DSCAM: variants seen among roughly 807,000 people sequenced by gnomAD.
DSCAM encodes the protein DS cell adhesion molecule, also known as cell adhesion molecule DSCAM.
In DSCAM, 47 loss-of-function variants were observed where a neutral mutation model predicts 217.7. That is an observed-to-expected ratio of 0.22 (90% CI 0.17 to 0.28). The LOEUF is 0.28. Ranked by LOEUF, DSCAM falls within the 10% of genes least tolerant of loss-of-function variation. The pLI, the probability that DSCAM is intolerant of heterozygous loss-of-function variation, is 1.00. For missense variants in DSCAM, 2,080 were observed against 2,618.3 expected, an observed-to-expected ratio of 0.79 and a Z score of 4.49; for synonymous variants, 1,056 against 1,015.3, an observed-to-expected ratio of 1.04 and a Z score of -0.76.
At chr21:40,715,834 C>T (rs1387231692) in intron 1 of DSCAM, among the ~76,000 whole-genome samples, 2 of 151,996 alleles carry the variant, frequency 1.3e-5, no homozygotes, top group Non-Finnish European at 2.9e-5. Context: ...TCTATCAACC[C>T]GACTGTGGGT....
rs58662598 is a variant in DSCAM, at chr21:40,406,729, T to A, written c.509-37484A>T. On this transcript the variant is annotated intron_variant, in intron 3 of 32. Transcript: ENST00000400454. The stretch of plus-strand genomic sequence containing the variant: ...CCTCAGCCTCCCAGGTAGATGAGAC[T>A]ATAGGTGTGTGCCACCATACATGCT... Among the ~76,000 whole-genome samples the A allele has an allele frequency of 7.7e-3, 1,178 of 152,294 alleles. 12 individuals are homozygous for A. The highest frequency in any genetic ancestry group is 0.025 in the African/African-American group (1,024 of 41,564).
intron 3 of DSCAM, among the ~76,000 whole-genome samples, chr21:40,394,282 C>T (rs1329345948): frequency 6.6e-6 from 1 of 152,196 alleles, no homozygotes; most frequent in Non-Finnish European, 1.5e-5. Context: ...ATTCCCCTAA[C>T]CCTTTTTATT....
intron 2 of DSCAM, among the ~76,000 whole-genome samples, chr21:40,704,406 ATTTGTCTAATGTT>A (rs2090690175): frequency 1.3e-5 from 2 of 152,292 alleles, no homozygotes; most frequent in East Asian, 3.9e-4. Context: ...TTATACTATA[ATTTGTCTAATGTT>A]AAAGAAAAAT....
In DSCAM at chr21:40,821,419, C is replaced by T. The variant is rs543454208; in HGVS notation, c.43+25200G>A. ...CACACACACACACACACACACACAC[C>T]CCACAGCAGTGCTTTCAATGCCTAG... On this transcript the variant is annotated intron_variant, in intron 1 of 32. Coordinates refer to ENST00000400454, the MANE Select transcript of DSCAM (RefSeq NM_001389.5). 5.1e-4 allele frequency among the ~76,000 whole-genome samples: 75 copies of T among 147,722 alleles called. 1 individual carries two copies. The highest frequency in any genetic ancestry group is 1.5e-3 in the African/African-American group (63 of 40,662).
intron 14 of DSCAM, among the ~76,000 whole-genome samples, chr21:40,180,345 A>G (rs1463274328): frequency 6.6e-6 from 1 of 152,212 alleles, no homozygotes; most frequent in African/African-American, 2.4e-5. Context: ...GCTTTTGGAT[A>G]CTGTAACTTC....
intron 4 of DSCAM, among the ~76,000 whole-genome samples, chr21:40,358,673 G>A (rs925241677): frequency 3.3e-5 from 5 of 151,884 alleles, no homozygotes; most frequent in African/African-American, 1.2e-4. Context: ...CAGGTGTGGT[G>A]GCATGAGCCT....
chr21:40,334,510 A>G (rs1052617394), intron 8 of DSCAM, among the ~76,000 whole-genome samples: 8 of 151,372 alleles, frequency 5.3e-5, no homozygotes, highest in African/African-American at 1.7e-4. Flanking sequence ...TCTACCCCCA[A>G]CCTCCTCTGC....
At chr21:40,578,499 A>G (rs1481956823) in intron 3 of DSCAM, among the ~76,000 whole-genome samples, 2 of 152,044 alleles carry the variant, frequency 1.3e-5, no homozygotes, top group Non-Finnish European at 2.9e-5. Context: ...AAAATGGACC[A>G]ATCAGTGCTC....
intron 14 of DSCAM, among the ~76,000 whole-genome samples, chr21:40,179,804 G>C (rs558879293): frequency 6.6e-6 from 1 of 152,194 alleles, no homozygotes; most frequent in African/African-American, 2.4e-5. Context: ...TTTTGTATCT[G>C]GTGGTTTTCA....
At chr21:40,097,131 T>C (rs2089686622) in intron 20 of DSCAM, among the ~76,000 whole-genome samples, 1 of 152,088 alleles carries the variant, frequency 6.6e-6, no homozygotes, top group Non-Finnish European at 1.5e-5. Flanking sequence ...TACAGATACA[T>C]ATATATGGTA....
At chr21:40,314,973 A>G (rs1186829956) in intron 8 of DSCAM, among the ~76,000 whole-genome samples, 1 of 152,230 alleles carries the variant, frequency 6.6e-6, no homozygotes, top group Non-Finnish European at 1.5e-5. Context: ...AGATGAGGAA[A>G]AAACAGGTAA....
intron 3 of DSCAM, among the ~76,000 whole-genome samples, chr21:40,460,314 A>G (rs2075796506): frequency 6.6e-6 from 1 of 152,176 alleles, no homozygotes; most frequent in Admixed American, 6.5e-5. Context: ...AAAAAGTTGG[A>G]AGAAAAAAAT....
chr21:40,147,760 A>G (rs2146726355), intron 16 of DSCAM, among the ~76,000 whole-genome samples: 1 of 152,244 alleles, frequency 6.6e-6, no homozygotes, highest in South Asian at 2.1e-4. Context: ...TTAATATGCT[A>G]TTATGATTAT....
chr21:40,258,557 G>A (rs561877594), intron 11 of DSCAM, among the ~76,000 whole-genome samples: 20 of 152,326 alleles, frequency 1.3e-4, no homozygotes, highest in African/African-American at 3.8e-4. Flanking sequence ...TCTTAGAAGC[G>A]AAATTTATTC....
chr21:40,773,289 T>C (rs961302659), intron 1 of DSCAM, among the ~76,000 whole-genome samples: 11 of 152,262 alleles, frequency 7.2e-5, no homozygotes, highest in African/African-American at 2.7e-4. Flanking sequence ...AATTGAGATG[T>C]AGGCAGTGTT....
chr21:40,485,798 GT>G, intron 3 of DSCAM, among the ~76,000 whole-genome samples: 1 of 151,698 alleles, frequency 6.6e-6, no homozygotes, highest in East Asian at 1.9e-4. Flanking sequence ...TATATTGTAT[GT>G]TATTATATAT....
chr21:40,307,100 A>C (rs182644452), intron 9 of DSCAM, among the ~76,000 whole-genome samples: 5 of 152,262 alleles, frequency 3.3e-5, no homozygotes, highest in African/African-American at 1.2e-4. Context: ...AATTAAACTA[A>C]AGAGCTTCTG....
chr21:40,310,642 T>C (rs2074127534), intron 9 of DSCAM, among the ~76,000 whole-genome samples: 1 of 152,236 alleles, frequency 6.6e-6, no homozygotes, highest in African/African-American at 2.4e-5. Context: ...AGCATCCCCG[T>C]ACATTTTTAT....
intron 3 of DSCAM, among the ~76,000 whole-genome samples, chr21:40,451,291 T>G (rs1187318446): frequency 1.3e-5 from 2 of 152,232 alleles, no homozygotes; most frequent in African/African-American, 4.8e-5. Context: ...CACTTACTAT[T>G]ATGGCCCAGC....
Sources: gnomAD v4.1 joint callset for allele counts (sites outside exome capture counted in the v4.1 genomes callset) on GRCh38, gnomAD v4.1.1 for gene constraint, MANE v1.5 for transcripts, NCBI Gene and HGNC (gene_info 2026-07-23, HGNC 2026-07-21) for gene names.